CSGALNACT1: variants seen among roughly 807,000 people sequenced by gnomAD.
CSGALNACT1 encodes the protein chondroitin sulfate N-acetylgalactosaminyltransferase 1, also known as beta4GalNAcT-1.
Under a neutral mutation model 51.0 loss-of-function variants are expected in CSGALNACT1, and 52 were observed. The observed-to-expected ratio is 1.02, with a 90% CI of 0.82 to 1.29. The LOEUF (loss-of-function observed/expected upper bound fraction) is 1.29, where lower values mean the gene tolerates loss of function less well. CSGALNACT1 is among the 50% of genes most tolerant of loss of function. CSGALNACT1 has a pLI of 0.00. For synonymous variants in CSGALNACT1, 341 were observed against 254.4 expected (o/e 1.34, Z -3.24); for missense variants, 935 against 679.2 (o/e 1.38, Z -4.19).
chr8:19,475,101 T>C (rs899184037), intron 4 of CSGALNACT1, among the ~76,000 whole-genome samples: 2 of 152,080 alleles, frequency 1.3e-5, no homozygotes, highest in Non-Finnish European at 2.9e-5. Flanking sequence ...CAGGGGAGTC[T>C]CTAAGTTAAG....
intron 4 of CSGALNACT1, among the ~76,000 whole-genome samples, chr8:19,461,556 G>A (rs370621348): frequency 3.5e-5 from 4 of 112,700 alleles, no homozygotes; most frequent in Non-Finnish European, 3.9e-5. Context: ...CATGGGGGGC[G>A]TATCCGCACA....
At chr8:19,493,661 G>T (rs1480837157) in intron 4 of CSGALNACT1, among the ~76,000 whole-genome samples, 1 of 152,152 alleles carries the variant, frequency 6.6e-6, no homozygotes, top group Non-Finnish European at 1.5e-5. Flanking sequence ...GCTGCAGCAT[G>T]TTATCAGTAA....
chr8:19,724,224 T>C (rs1330353883), intron 1 of CSGALNACT1, among the ~76,000 whole-genome samples: 1 of 152,184 alleles, frequency 6.6e-6, no homozygotes, highest in East Asian at 1.9e-4. Context: ...GTGTATCATC[T>C]TAAAATGCTG....
chr8:19,436,579 TTAAA>T (rs1487098333), intron 6 of CSGALNACT1, among the ~76,000 whole-genome samples: 1 of 152,176 alleles, frequency 6.6e-6, no homozygotes, highest in Non-Finnish European at 1.5e-5. Flanking sequence ...TTAAAAATGT[TTAAA>T]TAAAGTTTCA....
chr8:19,589,027 C>G (rs114159204), intron 3 of CSGALNACT1, among the ~76,000 whole-genome samples: 3,562 of 152,282 alleles, frequency 0.023, 134 homozygotes, highest in African/African-American at 0.081. Flanking sequence ...TGTCACAGGA[C>G]AAGCCTATCC....
rs1266516830 is a variant in CSGALNACT1 at position 19,439,915 on chromosome 8, G to A, written c.868C>T (p.Gln290Ter). The change falls in exon 6 of 10, where the codon CAG becomes TAG. Residue 290 changes from glutamine to a stop codon, truncating the protein, a stop_gained. Coordinates refer to ENST00000454498, the Ensembl canonical transcript of CSGALNACT1. LOFTEE classifies it high-confidence loss of function. Reference sequence around the variant, plus strand: ...ACAGTGAGATGGACTCTCCCATCCTGCTCAATGCACATCTCCCTGGAAAAC... The same window carrying A: ...ACAGTGAGATGGACTCTCCCATCCTACTCAATGCACATCTCCCTGGAAAAC... 3.7e-6 allele frequency: 6 copies of A among 1,613,786 alleles called. No individual in the cohort carries two copies. Among genetic ancestry groups the A allele is most frequent in the Non-Finnish European group, 5.1e-6 (6 of 1,179,874 alleles).
intron 3 of CSGALNACT1, among the ~76,000 whole-genome samples, chr8:19,542,908 A>G (rs1563974494): frequency 6.6e-6 from 1 of 152,160 alleles, no homozygotes; most frequent in Non-Finnish European, 1.5e-5. Context: ...TTCCTGATAA[A>G]TTCATTTGGG....
At chr8:19,685,285 T>C (rs1564424248), upstream of CSGALNACT1, among the ~76,000 whole-genome samples, 1 of 152,200 alleles carries the variant, frequency 6.6e-6, no homozygotes, top group Non-Finnish European at 1.5e-5. Context: ...AAGGCAGTTA[T>C]GTCCCATCAG....
chr8:19,698,655 T>A (rs1384857539), intron 1 of CSGALNACT1, among the ~76,000 whole-genome samples: 1 of 152,178 alleles, frequency 6.6e-6, no homozygotes, highest in African/African-American at 2.4e-5. Context: ...ACTATTTTTT[T>A]AAGATCAGAA....
intron 1 of CSGALNACT1, among the ~76,000 whole-genome samples, chr8:19,697,625 C>A (rs1369249964): frequency 6.6e-6 from 1 of 152,094 alleles, no homozygotes; most frequent in African/African-American, 2.4e-5. Context: ...GCCCAGAGCC[C>A]CCCTGTACAA....
At chr8:19,606,877 C>T (rs1344490819), upstream of CSGALNACT1, among the ~76,000 whole-genome samples, 2 of 152,064 alleles carry the variant, frequency 1.3e-5, no homozygotes, top group African/African-American at 4.8e-5. Context: ...CAAGTGTAGC[C>T]GGGCACGGTG....
intron 4 of CSGALNACT1, among the ~76,000 whole-genome samples, chr8:19,485,533 T>C (rs1481661354): frequency 6.6e-6 from 1 of 152,130 alleles, no homozygotes; most frequent in Non-Finnish European, 1.5e-5. Flanking sequence ...TCCTAACAGC[T>C]ATTAGGCTTT....
At chr8:19,691,771 G>A (rs1016448150) in intron 1 of CSGALNACT1, among the ~76,000 whole-genome samples, 1 of 152,156 alleles carries the variant, frequency 6.6e-6, no homozygotes, top group Non-Finnish European at 1.5e-5. Flanking sequence ...CACTGTAAGA[G>A]CCACACACTG....
At chr8:19,639,802 T>C (rs1486615669) in intron 1 of CSGALNACT1, among the ~76,000 whole-genome samples, 1 of 152,168 alleles carries the variant, frequency 6.6e-6, no homozygotes, top group Non-Finnish European at 1.5e-5. Flanking sequence ...GTCTCCTGAA[T>C]TTATAACGAT....
chr8:19,628,553 A>G lies in CSGALNACT1; in HGVS notation c.-543-26688T>C, dbSNP rs557567392. On this transcript the variant is annotated intron_variant, in intron 1 of 9. Transcript: ENST00000332246. ...ACAGATCGGGAAACTAAGCTTCAGA[A>G]AATTTAAGTGAATTGAGCAAGGACG... Among the ~76,000 whole-genome samples, 7 of 152,316 alleles carry G rather than the reference A, an allele frequency of 4.6e-5. No individual in the cohort carries two copies. The East Asian group carries it at 1.3e-3, about 29-fold the overall frequency.
intron 1 of CSGALNACT1, among the ~76,000 whole-genome samples, chr8:19,735,528 G>A (rs1004202109): frequency 6.6e-6 from 1 of 151,930 alleles, no homozygotes; most frequent in Non-Finnish European, 1.5e-5. Context: ...AAAAAACCAT[G>A]CTGCAAAATT....
chr8:19,654,058 G>A (rs1564357006), intron 1 of CSGALNACT1, among the ~76,000 whole-genome samples: 1 of 152,204 alleles, frequency 6.6e-6, no homozygotes, highest in African/African-American at 2.4e-5. Flanking sequence ...CGCCTAAGGT[G>A]TGCCCACTGC....
chr8:19,505,420 G>C, exon 4 of CSGALNACT1: 6 of 1,614,232 alleles, frequency 3.7e-6, no homozygotes, highest in Non-Finnish European at 5.1e-6. Context: ...TCTGTGGCCA[G>C]CTTGACGCCA....
At chr8:19,511,665 G>A (rs750191889) in intron 3 of CSGALNACT1, among the ~76,000 whole-genome samples, 1 of 152,144 alleles carries the variant, frequency 6.6e-6, no homozygotes, top group Non-Finnish European at 1.5e-5. Context: ...ACCACTGTGT[G>A]TCTGCTCCCA....
Sources: allele counts gnomAD v4.1 joint callset (sites outside exome capture counted in the v4.1 genomes callset), GRCh38; gene constraint gnomAD v4.1.1; transcripts MANE v1.5; gene names NCBI Gene and HGNC (gene_info 2026-07-23, HGNC 2026-07-21).